The following SYTL3 variants were observed in gnomAD, a reference collection of about 807,000 sequenced individuals.
The protein encoded by SYTL3 is synaptotagmin like 3, also known as synaptotagmin-like protein 3.
A neutral mutation model predicts 82.1 loss-of-function variants in SYTL3; 88 were observed. The ratio of observed to expected loss-of-function variants is 1.07; its 90% confidence interval spans 0.90 to 1.28. The LOEUF is 1.28. SYTL3 is among the 50% of genes most tolerant of loss of function. SYTL3 has a pLI of 0.00. For missense variants in SYTL3, 831 were observed against 757.6 expected, an observed-to-expected ratio of 1.10 and a Z score of -1.14; for synonymous variants, 311 against 289.4, an observed-to-expected ratio of 1.07 and a Z score of -0.76.
chr6:158,712,533 C>A (rs912531270), intron 8 of SYTL3, among the ~76,000 whole-genome samples: 1 of 152,160 alleles, frequency 6.6e-6, no homozygotes, highest in Non-Finnish European at 1.5e-5. Flanking sequence ...GTCCCCCTAA[C>A]ATGATGCAAC....
chr6:158,646,532 GA>G (rs1405668827), upstream of SYTL3, among the ~76,000 whole-genome samples: 1 of 152,200 alleles, frequency 6.6e-6, no homozygotes, highest in Admixed American at 6.5e-5. Context: ...CCCAAATGGA[GA>G]GAACTGGGGA....
intron 5 of SYTL3, among the ~76,000 whole-genome samples, chr6:158,672,297 A>T (rs1391509026): frequency 6.6e-6 from 1 of 152,268 alleles, no homozygotes; most frequent in East Asian, 1.9e-4. Context: ...TCAAAAAAAA[A>T]GTTTTTCCCC....
chr6:158,732,774 C>T (rs763987014), intron 11 of SYTL3, among the ~76,000 whole-genome samples: 4 of 152,128 alleles, frequency 2.6e-5, no homozygotes, highest in African/African-American at 4.8e-5. Flanking sequence ...TCCAAGTGAA[C>T]GTATGTTAGT....
chr6:158,684,228 C>T (rs189569630), intron 6 of SYTL3, among the ~76,000 whole-genome samples: 1 of 152,212 alleles, frequency 6.6e-6, no homozygotes, highest in African/African-American at 2.4e-5. Flanking sequence ...ATCTAGAGTC[C>T]GTAGAGCAAG....
chr6:158,660,931 T>G (rs1228110146), intron 2 of SYTL3, among the ~76,000 whole-genome samples: 1 of 152,170 alleles, frequency 6.6e-6, no homozygotes, highest in Admixed American at 6.5e-5. Flanking sequence ...AGCCCGCACC[T>G]GTAGTCCCAG....
intron 9 of SYTL3, among the ~76,000 whole-genome samples, chr6:158,716,798 A>G (rs1190590553): frequency 6.6e-6 from 1 of 152,198 alleles, no homozygotes; most frequent in Non-Finnish European, 1.5e-5. Flanking sequence ...CACAGTGTCC[A>G]TTGCAGTGGC....
At chr6:158,666,774 T>C (rs1790111010) in intron 5 of SYTL3, among the ~76,000 whole-genome samples, 1 of 152,224 alleles carries the variant, frequency 6.6e-6, no homozygotes, top group South Asian at 2.1e-4. Context: ...ATTCATTTAC[T>C]TAAGTGTCCT....
At chr6:158,680,099 T>A (rs1040339044) in intron 5 of SYTL3, among the ~76,000 whole-genome samples, 4 of 152,096 alleles carry the variant, frequency 2.6e-5, no homozygotes, top group Non-Finnish European at 5.9e-5. Context: ...TTGCTTTCTG[T>A]CCCCTCCTCT....
upstream of SYTL3, among the ~76,000 whole-genome samples, chr6:158,649,478 C>T (rs1787744882): frequency 1.3e-5 from 2 of 152,242 alleles, no homozygotes; most frequent in South Asian, 4.1e-4. Flanking sequence ...TTTGCACACA[C>T]TTCATTGTCT....
chr6:158,663,663 G>C, intron 4 of SYTL3: 1 of 938,068 alleles, frequency 1.1e-6, no homozygotes, highest in Non-Finnish European at 1.3e-6. Context: ...TCTGTTTGCC[G>C]ACTTCGTGGG....
At chr6:158,658,400 T>C (rs982653066) in intron 2 of SYTL3, among the ~76,000 whole-genome samples, 9 of 152,166 alleles carry the variant, frequency 5.9e-5, no homozygotes, top group Non-Finnish European at 8.8e-5. Flanking sequence ...ACTGCACTCA[T>C]TGAAAAGCTG....
intron 2 of SYTL3, among the ~76,000 whole-genome samples, chr6:158,652,485 A>G (rs1291214435): frequency 1.3e-5 from 2 of 150,712 alleles, no homozygotes; most frequent in Non-Finnish European, 3.0e-5. Context: ...TCCTGACTTC[A>G]TGATCCACCT....
chr6:158,692,512 C>G (rs941079976), intron 6 of SYTL3, among the ~76,000 whole-genome samples: 1 of 151,874 alleles, frequency 6.6e-6, no homozygotes, highest in Admixed American at 6.6e-5. Flanking sequence ...TGATTGAGTT[C>G]TTCAAGTGAC....
At chr6:158,651,920 G>A (rs1788065786) in intron 2 of SYTL3, 78 bp downstream of exon 2, 1 of 150,938 alleles carries the variant, frequency 6.6e-6, no homozygotes, top group South Asian at 2.1e-4. Flanking sequence ...TTATTTTTAT[G>A]TATTTTTATT....
chr6:158,657,057 A>C (rs1246650829), intron 2 of SYTL3, among the ~76,000 whole-genome samples: 2 of 152,166 alleles, frequency 1.3e-5, no homozygotes, highest in Non-Finnish European at 2.9e-5. Flanking sequence ...GGTGTTTGGA[A>C]GTTATCTCTG....
chr6:158,675,030 C>G (rs1454376035), intron 5 of SYTL3, among the ~76,000 whole-genome samples: 1 of 152,110 alleles, frequency 6.6e-6, no homozygotes. Context: ...AACTGGATCC[C>G]TTCCTTACAC....
chr6:158,710,528 TGCA>T (rs1782640739), intron 8 of SYTL3, among the ~76,000 whole-genome samples: 5 of 146,384 alleles, frequency 3.4e-5, no homozygotes, highest in African/African-American at 1.3e-4. Context: ...AAAAAAAAAA[TGCA>T]TAACACAAAT....
Position 158,764,575 on chromosome 6 carries a change from T to G in SYTL3, c.1804T>G (p.Trp602Gly). 7 of 1,614,074 alleles carry G rather than the reference T, an allele frequency of 4.3e-6. No homozygotes were observed. The highest frequency in any genetic ancestry group is 5.9e-6 in the Non-Finnish European group (7 of 1,179,956). Residue 602 changes from tryptophan (W) to glycine (G), a missense_variant, in exon 18 of 18, where the codon TGG becomes GGG. By Grantham distance (184) the Trp-to-Gly change is radical. Coordinates refer to ENST00000611299, the MANE Select transcript of SYTL3 (RefSeq NM_001242394.2). ...GAAAGTCCTTTCCAGCCCCAATCTA[T>G]GGACAGACATGACTCTTGTCCTGCA... ...WQKVLSSPNL[W>G]TDMTLVLH
At chr6:158,652,951 A>G (rs1788212998) in intron 2 of SYTL3, among the ~76,000 whole-genome samples, 2 of 152,216 alleles carry the variant, frequency 1.3e-5, no homozygotes, top group South Asian at 4.1e-4. Flanking sequence ...AGGGCCTTGG[A>G]CAGGGCCGTG....
Sources: allele counts gnomAD v4.1 joint callset (sites outside exome capture counted in the v4.1 genomes callset), GRCh38; gene constraint gnomAD v4.1.1; transcripts MANE v1.5; gene names NCBI Gene and HGNC (gene_info 2026-07-23, HGNC 2026-07-21).